The following ATRNL1 variants were observed in gnomAD, a reference collection of about 807,000 sequenced individuals.
ATRNL1 encodes the protein attractin like 1, also known as attractin-like protein 1.
In ATRNL1, 95 loss-of-function variants were observed where a neutral mutation model predicts 182.7. The ratio of observed to expected loss-of-function variants is 0.52; its 90% CI spans 0.44 to 0.62. The LOEUF (loss-of-function observed/expected upper bound fraction) is 0.62. Among genes scored for constraint, ATRNL1 ranks in the 20% least tolerant of loss-of-function variants. The pLI is 0.00. For missense variants in ATRNL1, 1,471 were observed against 1,679.5 expected, an observed-to-expected ratio of 0.88 and a Z score of 2.17; for synonymous variants, 576 against 568.3, an observed-to-expected ratio of 1.01 and a Z score of -0.19.
chr10:115,424,233 CA>C (rs1554962457), intron 20 of ATRNL1, among the ~76,000 whole-genome samples: 1 of 152,054 alleles, frequency 6.6e-6, no homozygotes, highest in Non-Finnish European at 1.5e-5. Context: ...GATGAGATAC[CA>C]CCTCACACTA....
At chr10:115,234,062 T>G (rs1342996200) in intron 9 of ATRNL1, among the ~76,000 whole-genome samples, 2 of 152,056 alleles carry the variant, frequency 1.3e-5, no homozygotes, top group African/African-American at 4.8e-5. Context: ...TTATTGGAAT[T>G]ATTTTTCCTA....
At chr10:115,937,464 G>A (rs1340490879) in intron 28 of ATRNL1, among the ~76,000 whole-genome samples, 1 of 152,176 alleles carries the variant, frequency 6.6e-6, no homozygotes, top group African/African-American at 2.4e-5. Context: ...AACCTTTGGA[G>A]TTTTGCCTAA....
At chr10:115,839,332 G>A (rs1362078583) in intron 27 of ATRNL1, among the ~76,000 whole-genome samples, 1 of 152,044 alleles carries the variant, frequency 6.6e-6, no homozygotes, top group African/African-American at 2.4e-5. Flanking sequence ...GTTTCCATCC[G>A]AGCATCTCAG....
At chr10:115,610,030 T>C (rs1857074005) in intron 26 of ATRNL1, among the ~76,000 whole-genome samples, 1 of 152,232 alleles carries the variant, frequency 6.6e-6, no homozygotes, top group Admixed American at 6.5e-5. Flanking sequence ...CCATGTATTA[T>C]GCTATATTCT....
At chr10:115,786,911 T>C (rs1294156228) in intron 27 of ATRNL1, among the ~76,000 whole-genome samples, 1 of 152,208 alleles carries the variant, frequency 6.6e-6, no homozygotes, top group Admixed American at 6.5e-5. Context: ...CTAAACATTA[T>C]GTTTTTGCCA....
intron 24 of ATRNL1, among the ~76,000 whole-genome samples, chr10:115,473,845 TTA>T (rs1207885603): frequency 1.3e-5 from 2 of 151,344 alleles, no homozygotes; most frequent in African/African-American, 2.4e-5. Context: ...TCTAAGTTAT[TTA>T]ATTTGTTGGC....
chr10:115,411,378 A>G (rs981476313), intron 20 of ATRNL1, among the ~76,000 whole-genome samples: 5 of 151,814 alleles, frequency 3.3e-5, no homozygotes, highest in East Asian at 1.9e-4. Flanking sequence ...GTGTATAACA[A>G]TGTTAGCGTT....
intron 17 of ATRNL1, among the ~76,000 whole-genome samples, chr10:115,313,837 T>C (rs1854158742): frequency 6.6e-6 from 1 of 152,150 alleles, no homozygotes; most frequent in Non-Finnish European, 1.5e-5. Context: ...TGATAGTAAA[T>C]AATTGGAATG....
chr10:115,283,537 A>T (rs1421602542), intron 14 of ATRNL1, among the ~76,000 whole-genome samples: 1 of 152,200 alleles, frequency 6.6e-6, no homozygotes, highest in African/African-American at 2.4e-5. Context: ...GCTCATTTTG[A>T]GAAAGATAGT....
rs554834469 is a variant in ATRNL1 at position 115,193,248 on chromosome 10, G to GT, written c.1348+21962dup. Among the ~76,000 whole-genome samples, 292 of 152,024 alleles carry GT rather than the reference G, an allele frequency of 1.9e-3. 5 individuals are homozygous for GT. The highest frequency in any genetic ancestry group is 9.4e-4 in the Non-Finnish European group (64 of 67,914). ...TTGAAGTATGTTTCTTCTGTACCCA[G>GT]TTTTTTAGTTTTTATAGTGAAAGGA... On this transcript the variant is annotated intron_variant, in intron 8 of 28. Transcript: ENST00000355044.
chr10:115,619,735 A>G (rs1857622720), intron 26 of ATRNL1, among the ~76,000 whole-genome samples: 1 of 152,228 alleles, frequency 6.6e-6, no homozygotes, highest in Non-Finnish European at 1.5e-5. Context: ...TAACTTTAAT[A>G]TTTTAAATTA....
At chr10:115,288,767 C>T (rs1852753532) in intron 15 of ATRNL1, among the ~76,000 whole-genome samples, 1 of 152,106 alleles carries the variant, frequency 6.6e-6, no homozygotes. Flanking sequence ...GGTAATCCGC[C>T]CACCATGGCC....
At chr10:115,463,313 A>G (rs1439148404) in intron 22 of ATRNL1, among the ~76,000 whole-genome samples, 2 of 152,026 alleles carry the variant, frequency 1.3e-5, no homozygotes, top group Admixed American at 6.6e-5. Context: ...TTTATGAATG[A>G]CTGTATTCTT....
intron 19 of ATRNL1, among the ~76,000 whole-genome samples, chr10:115,394,320 A>T (rs928083612): frequency 2.0e-5 from 3 of 152,040 alleles, no homozygotes; most frequent in Admixed American, 2.0e-4. Context: ...AAGCTGTTTG[A>T]GTACAAAGCT....
At chr10:115,444,402 T>C (rs1325086408) in intron 21 of ATRNL1, among the ~76,000 whole-genome samples, 1 of 152,070 alleles carries the variant, frequency 6.6e-6, no homozygotes, top group Non-Finnish European at 1.5e-5. Flanking sequence ...TATATTAATA[T>C]TTAAGTCATA....
At chr10:115,223,950 C>A (rs183097676) in intron 9 of ATRNL1, among the ~76,000 whole-genome samples, 1,912 of 45,190 alleles carry the variant, frequency 0.042, 33 homozygotes, top group Non-Finnish European at 0.061. Context: ...TTTTTTTTTT[C>A]TTTGAGACAG....
intron 27 of ATRNL1, among the ~76,000 whole-genome samples, chr10:115,811,181 A>G (rs1950038678): frequency 1.3e-5 from 2 of 151,776 alleles, no homozygotes. Flanking sequence ...TTATATTTTC[A>G]TTTTTATTCA....
At chr10:115,282,793 GTT>G (rs35849374) in intron 14 of ATRNL1, among the ~76,000 whole-genome samples, 5 of 145,246 alleles carry the variant, frequency 3.4e-5, no homozygotes, top group Non-Finnish European at 7.6e-5. Flanking sequence ...TTTATCCCAG[GTT>G]TTTTTTTTTT....
chr10:115,333,486 T>TC (rs1220982762), intron 18 of ATRNL1, among the ~76,000 whole-genome samples: 10 of 18,618 alleles, frequency 5.4e-4, no homozygotes, highest in Admixed American at 4.3e-3. Context: ...TCAAAAGTAC[T>TC]TTTTTTTTTT....
Sources: gnomAD v4.1 joint callset for allele counts (sites outside exome capture counted in the v4.1 genomes callset) on GRCh38, gnomAD v4.1.1 for gene constraint, MANE v1.5 for transcripts, NCBI Gene and HGNC (gene_info 2026-07-23, HGNC 2026-07-21) for gene names.